EYS: variants seen among roughly 807,000 people sequenced by gnomAD.
EYS encodes EGF-like photoreceptor maintenance factor, also known as protein eyes shut homolog.
In EYS, 250 loss-of-function variants were observed where a neutral mutation model predicts 282.1. That is an observed-to-expected ratio of 0.89 (90% CI 0.80 to 0.98). The LOEUF is 0.98. EYS is among the 50% of genes least tolerant of loss of function. The pLI, the probability that EYS is intolerant of heterozygous loss-of-function variation, is 0.00. For synonymous variants in EYS, 1,355 were observed against 1,282.9 expected, an observed-to-expected ratio of 1.06 and a Z score of -1.20; for missense variants, 4,016 against 3,709.0, an observed-to-expected ratio of 1.08 and a Z score of -2.15.
intron 29 of EYS, among the ~76,000 whole-genome samples, chr6:64,356,503 T>A (rs1771828180): frequency 6.6e-6 from 1 of 151,734 alleles, no homozygotes; most frequent in African/African-American, 2.4e-5. Context: ...GTAGAATAAT[T>A]ATATTTCTGA....
intron 2 of EYS, among the ~76,000 whole-genome samples, chr6:65,523,709 G>T (rs1009017685): frequency 5.3e-5 from 8 of 152,060 alleles, no homozygotes; most frequent in Non-Finnish European, 1.0e-4. Flanking sequence ...AAGTTTAAAT[G>T]TTTATATACT....
At chr6:64,804,670 A>G (rs1015937450) in intron 22 of EYS, among the ~76,000 whole-genome samples, 33 of 152,146 alleles carry the variant, frequency 2.2e-4, no homozygotes, top group Non-Finnish European at 4.7e-4. Context: ...TGACATACTA[A>G]AGCAACCTAT....
At chr6:65,240,833 G>T (rs1257333516) in intron 12 of EYS, among the ~76,000 whole-genome samples, 1 of 152,092 alleles carries the variant, frequency 6.6e-6, no homozygotes. Flanking sequence ...TGGTATTTCT[G>T]TTCGAAGTTC....
intron 2 of EYS, among the ~76,000 whole-genome samples, chr6:65,556,145 C>G (rs962859487): frequency 1.3e-5 from 2 of 152,020 alleles, no homozygotes; most frequent in Admixed American, 6.6e-5. Flanking sequence ...TTTAGGGGGT[C>G]ATTTTCACAT....
intron 29 of EYS, among the ~76,000 whole-genome samples, chr6:64,332,977 C>A (rs1770701062): frequency 1.3e-5 from 2 of 152,122 alleles, no homozygotes; most frequent in Non-Finnish European, 2.9e-5. Context: ...TATACTTTCA[C>A]CTATGGTTAT....
At chr6:65,182,075 G>C (rs914172078) in intron 12 of EYS, among the ~76,000 whole-genome samples, 3 of 151,916 alleles carry the variant, frequency 2.0e-5, no homozygotes, top group Admixed American at 2.0e-4. Flanking sequence ...GGGTAGGGGG[G>C]AGGGATAGCA....
At chr6:65,689,744 A>G (rs1274184535) in intron 1 of EYS, among the ~76,000 whole-genome samples, 2 of 149,666 alleles carry the variant, frequency 1.3e-5, no homozygotes, top group Non-Finnish European at 3.0e-5. Flanking sequence ...GAATGTGCAG[A>G]TTTGTTACAT....
intron 5 of EYS, among the ~76,000 whole-genome samples, chr6:65,432,345 G>A (rs889188571): frequency 6.6e-6 from 1 of 151,964 alleles, no homozygotes; most frequent in Non-Finnish European, 1.5e-5. Context: ...TCTGGTGGGA[G>A]AACACAGAAA....
At chr6:64,391,879 C>G (rs1226606063) in intron 28 of EYS, among the ~76,000 whole-genome samples, 1 of 152,002 alleles carries the variant, frequency 6.6e-6, no homozygotes, top group Non-Finnish European at 1.5e-5. Flanking sequence ...TTCAGAAAAC[C>G]CATCTCATGT....
chr6:65,549,921 C>G (rs1768537595), intron 2 of EYS, among the ~76,000 whole-genome samples: 1 of 152,146 alleles, frequency 6.6e-6, no homozygotes, highest in Non-Finnish European at 1.5e-5. Flanking sequence ...ATGTCCTGGT[C>G]TGGAATGCAG....
At chr6:65,428,908 C>T (rs1031879377) in intron 5 of EYS, among the ~76,000 whole-genome samples, 2 of 152,062 alleles carry the variant, frequency 1.3e-5, no homozygotes, top group Non-Finnish European at 2.9e-5. Flanking sequence ...CTGAGCCGGG[C>T]GTGGTGGCTC....
At chr6:65,605,820 G>C (rs1413458498) in intron 2 of EYS, among the ~76,000 whole-genome samples, 7 of 151,650 alleles carry the variant, frequency 4.6e-5, no homozygotes, top group East Asian at 1.9e-4. Context: ...GTGTATGTGT[G>C]TATATATTTA....
chr6:65,217,605 G>A (rs1023428758), intron 12 of EYS, among the ~76,000 whole-genome samples: 12 of 151,920 alleles, frequency 7.9e-5, no homozygotes, highest in African/African-American at 1.9e-4. Flanking sequence ...ATCACAGAAG[G>A]CATTTTTGAG....
chr6:64,022,358 A>C (rs1358641465), intron 33 of EYS, among the ~76,000 whole-genome samples: 1 of 152,212 alleles, frequency 6.6e-6, no homozygotes, highest in Admixed American at 6.5e-5. Context: ...TCCAGAATCT[A>C]TTCATGGGAG....
chr6:63,948,381 C>A lies in EYS; in HGVS notation c.7055+36002G>T, dbSNP rs116759901. On this transcript the variant is annotated intron_variant, in intron 35 of 42. Transcript: ENST00000503581. ...TGGAGGAGAACATGCTTCTCCATTT[C>A]TTTGTCTCTCAGAAATATGAGACAA... is the stretch of plus-strand genomic sequence containing the variant. 3.7e-4 allele frequency among the ~76,000 whole-genome samples: 57 copies of A among 152,328 alleles called. 1 individual carries two copies. Among genetic ancestry groups the A allele is most frequent in the African/African-American group, 1.3e-3 (54 of 41,568 alleles).
intron 33 of EYS, among the ~76,000 whole-genome samples, chr6:64,000,179 T>C (rs1368810451): frequency 4.4e-5 from 2 of 45,620 alleles, no homozygotes; most frequent in Non-Finnish European, 9.2e-5. Context: ...TTTTTTTTTT[T>C]TTTTTTTTTT....
chr6:64,708,718 G>A (rs1771112029), intron 22 of EYS, among the ~76,000 whole-genome samples: 1 of 152,158 alleles, frequency 6.6e-6, no homozygotes, highest in African/African-American at 2.4e-5. Flanking sequence ...TTTTCCAGCT[G>A]TGATGCAAAC....
intron 16 of EYS, among the ~76,000 whole-genome samples, chr6:64,911,645 T>C (rs1033614377): frequency 1.3e-5 from 2 of 152,104 alleles, no homozygotes; most frequent in African/African-American, 4.8e-5. Context: ...AGAAAATAAA[T>C]TGCAGTTTTG....
At chr6:63,785,233 C>T (rs1471027733) in intron 39 of EYS, among the ~76,000 whole-genome samples, 1 of 152,210 alleles carries the variant, frequency 6.6e-6, no homozygotes, top group Non-Finnish European at 1.5e-5. Flanking sequence ...GCTTCTATAG[C>T]TGCCTTTAGC....
Sources: allele counts gnomAD v4.1 joint callset (sites outside exome capture counted in the v4.1 genomes callset), GRCh38; gene constraint gnomAD v4.1.1; transcripts MANE v1.5; gene names NCBI Gene and HGNC (gene_info 2026-07-23, HGNC 2026-07-21).